The following MAGI2 variants were observed in gnomAD, a reference collection of about 807,000 sequenced individuals.
The protein encoded by MAGI2 is membrane-associated guanylate kinase, WW and PDZ domain-containing protein 2.
MAGI2 carries 35 observed loss-of-function variants against 133.3 expected under a neutral mutation model. The ratio of observed to expected loss-of-function variants is 0.26; its 90% CI spans 0.20 to 0.35. The LOEUF (loss-of-function observed/expected upper bound fraction) is 0.35, where lower values mean the gene tolerates loss of function less well. Ranked by LOEUF, MAGI2 falls within the 10% of genes least tolerant of loss-of-function variation. MAGI2 has a pLI of 1.00. For synonymous variants in MAGI2, 729 were observed against 710.6 expected (o/e 1.03, Z -0.41); for missense variants, 1,636 against 1,863.4 (o/e 0.88, Z 2.25).
chr7:79,236,576 C>T (rs1585286667), intron 1 of MAGI2, among the ~76,000 whole-genome samples: 1 of 152,204 alleles, frequency 6.6e-6, no homozygotes, highest in African/African-American at 2.4e-5. Context: ...CACATAACCT[C>T]GGGTGAGACA....
chr7:79,189,819 T>C (rs1827496161), intron 1 of MAGI2, among the ~76,000 whole-genome samples: 1 of 151,724 alleles, frequency 6.6e-6, no homozygotes, highest in Non-Finnish European at 1.5e-5. Flanking sequence ...ATGGATCTTT[T>C]TACTGTCTCC....
chr7:78,471,941 G>A (rs1344265000), intron 6 of MAGI2, among the ~76,000 whole-genome samples: 1 of 151,694 alleles, frequency 6.6e-6, no homozygotes, highest in Non-Finnish European at 1.5e-5. Flanking sequence ...AAAAAAGTAA[G>A]GGGAATTACA....
intron 6 of MAGI2, among the ~76,000 whole-genome samples, chr7:78,438,635 T>C (rs1787296085): frequency 1.3e-5 from 2 of 152,178 alleles, no homozygotes; most frequent in Admixed American, 6.5e-5. Context: ...CTGTACTCAC[T>C]CCAAACCTGG....
At chr7:79,431,559 A>G (rs1040734751) in intron 1 of MAGI2, among the ~76,000 whole-genome samples, 1 of 152,170 alleles carries the variant, frequency 6.6e-6, no homozygotes, top group Non-Finnish European at 1.5e-5. Flanking sequence ...AATGGTGTAC[A>G]TGACACAATA....
chr7:78,429,421 AG>A (rs1554406109), intron 6 of MAGI2, among the ~76,000 whole-genome samples: 1 of 152,072 alleles, frequency 6.6e-6, no homozygotes, highest in Non-Finnish European at 1.5e-5. Context: ...AGAAGAGGGT[AG>A]GGGAGGTAGA....
chr7:78,045,230 A>G (rs1024502113), intron 21 of MAGI2, among the ~76,000 whole-genome samples: 3 of 150,816 alleles, frequency 2.0e-5, no homozygotes, highest in African/African-American at 7.4e-5. Context: ...AAATCTAAGG[A>G]TGTACTTAAA....
chr7:79,292,847 G>GAATCAATT (rs1196890970), intron 1 of MAGI2, among the ~76,000 whole-genome samples: 1 of 144,804 alleles, frequency 6.9e-6, no homozygotes, highest in Non-Finnish European at 1.5e-5. Flanking sequence ...CTGAGTCTGA[G>GAATCAATT]AATCAATTTA....
chr7:78,773,367 A>G (rs1473183727), intron 2 of MAGI2, among the ~76,000 whole-genome samples: 3 of 152,240 alleles, frequency 2.0e-5, no homozygotes, highest in African/African-American at 4.8e-5. Flanking sequence ...AAAACAGTAT[A>G]GCAACTAACC....
At chr7:78,283,174 C>T (rs1185220664) in intron 9 of MAGI2, among the ~76,000 whole-genome samples, 1 of 151,986 alleles carries the variant, frequency 6.6e-6, no homozygotes, top group Non-Finnish European at 1.5e-5. Flanking sequence ...AATGTGTTCT[C>T]ACAAAATTTG....
chr7:78,771,187 C>G (rs1585363334), intron 2 of MAGI2: 1 of 152,166 alleles, frequency 6.6e-6, no homozygotes, highest in Non-Finnish European at 1.5e-5. Context: ...TCTCCCCTCT[C>G]TCGCTTATGC....
At chr7:78,549,930 C>T (rs191193668) in intron 3 of MAGI2, among the ~76,000 whole-genome samples, 29 of 152,232 alleles carry the variant, frequency 1.9e-4, no homozygotes, top group Non-Finnish European at 3.1e-4. Context: ...GTATTTGTCC[C>T]TCCTATCCTT....
chr7:79,083,240 C>T (rs1206521806), intron 1 of MAGI2, among the ~76,000 whole-genome samples: 1 of 150,354 alleles, frequency 6.7e-6, no homozygotes, highest in East Asian at 1.9e-4. Flanking sequence ...TATGAGCATA[C>T]ATATTTGTCT....
rs1245796245 is a variant in MAGI2, at chr7:78,421,127, A to C, written c.1046-51914T>G. 3.3e-5 allele frequency among the ~76,000 whole-genome samples: 5 copies of C among 152,202 alleles called. No individual in the cohort carries two copies. In the East Asian group the frequency reaches 9.6e-4, roughly 29 times the overall value. ...TTGTTGCAAACAATCACCTTGTCAGAGTACTGGGAGATTGCTGATGGGATT... is the reference window on the plus strand; with the variant it reads ...TTGTTGCAAACAATCACCTTGTCAGCGTACTGGGAGATTGCTGATGGGATT... On this transcript the variant is annotated intron_variant, in intron 6 of 21. Transcript: ENST00000354212.
chr7:79,011,834 C>T lies in MAGI2; in HGVS notation c.302-4628G>A, dbSNP rs58642551. On this transcript the variant is annotated intron_variant, in intron 1 of 21. Coordinates refer to ENST00000354212, the MANE Select transcript of MAGI2 (RefSeq NM_012301.4). ...TTTACTTTTTGCATTCAACTTTGCT[C>T]TTTATCTTGTACCACGTTCTTTTGG... Among the ~76,000 whole-genome samples, 682 of 152,102 alleles carry T rather than the reference C, an allele frequency of 4.5e-3. 7 individuals are homozygous for T. Among genetic ancestry groups the T allele is most frequent in the African/African-American group, 0.015 (643 of 41,532 alleles).
intron 9 of MAGI2, among the ~76,000 whole-genome samples, chr7:78,326,048 T>C (rs1256068415): frequency 6.6e-6 from 1 of 152,188 alleles, no homozygotes; most frequent in Non-Finnish European, 1.5e-5. Flanking sequence ...TGTTTCCACT[T>C]TCCTTCTCTG....
chr7:78,722,714 T>A (rs1382943242), intron 2 of MAGI2, among the ~76,000 whole-genome samples: 4 of 152,048 alleles, frequency 2.6e-5, no homozygotes, highest in Non-Finnish European at 5.9e-5. Context: ...CAAAACAACC[T>A]CTGTTAAATA....
intron 9 of MAGI2, among the ~76,000 whole-genome samples, chr7:78,261,964 A>C (rs962977271): frequency 3.3e-5 from 5 of 152,194 alleles, no homozygotes; most frequent in Non-Finnish European, 7.3e-5. Flanking sequence ...CTCTCAACAC[A>C]GTTTATTCCC....
chr7:78,123,290 A>G (rs1820643491), intron 20 of MAGI2, among the ~76,000 whole-genome samples: 1 of 152,198 alleles, frequency 6.6e-6, no homozygotes, highest in Non-Finnish European at 1.5e-5. Flanking sequence ...AAGTGAATAT[A>G]GTAGCTCCCT....
At chr7:78,517,335 A>G (rs1361727756) in intron 4 of MAGI2, among the ~76,000 whole-genome samples, 1 of 152,156 alleles carries the variant, frequency 6.6e-6, no homozygotes, top group Non-Finnish European at 1.5e-5. Flanking sequence ...TAAATCCTCT[A>G]AGCTGCAGGA....
Sources: gnomAD v4.1 joint callset for allele counts (sites outside exome capture counted in the v4.1 genomes callset) on GRCh38, gnomAD v4.1.1 for gene constraint, MANE v1.5 for transcripts, NCBI Gene and HGNC (gene_info 2026-07-23, HGNC 2026-07-21) for gene names.